The following TDRD1 variants were observed in gnomAD, a reference collection of about 807,000 sequenced individuals.
TDRD1 encodes the protein tudor domain-containing protein 1.
A neutral mutation model predicts 140.6 loss-of-function variants in TDRD1; 37 were observed. That is an observed-to-expected ratio of 0.26 (90% CI 0.20 to 0.35). The LOEUF (loss-of-function observed/expected upper bound fraction) is 0.35. TDRD1 is among the 10% of genes least tolerant of loss of function. The probability of loss-of-function intolerance (pLI) is 1.00; values close to 1 mark genes in which losing one functional copy is unlikely to be tolerated. For synonymous variants in TDRD1, 506 were observed against 475.7 expected (o/e 1.06, Z -0.83); for missense variants, 1,243 against 1,393.0 (o/e 0.89, Z 1.71).
At chr10:114,191,010 A>T in exon 3 of TDRD1, 1 of 1,613,936 alleles carries the variant, frequency 6.2e-7, no homozygotes, top group Non-Finnish European at 8.5e-7. Context: ...CACCCAAAGA[A>T]GTGAATATTG....
chr10:114,215,551 G>A (rs1008445450), intron 16 of TDRD1, among the ~76,000 whole-genome samples: 36 of 152,052 alleles, frequency 2.4e-4, no homozygotes, highest in East Asian at 1.7e-3. Context: ...CATTTGAGCC[G>A]TTCTGATGAG....
In TDRD1 at chr10:114,187,810, A is replaced by G. The variant is rs1345582137; in HGVS notation, c.-6-16A>G. The G allele has an allele frequency of 4.6e-6, 7 of 1,531,148 alleles. No homozygotes were observed. Among genetic ancestry groups the G allele is most frequent in the African/African-American group, 1.4e-5 (1 of 71,776 alleles). The allele number at this position is 1,531,148 out of a possible 1,614,324, so 94.8% of individuals were successfully genotyped here. ...TGAAATTAAAAGTTGTCTCTTAAAT[A>G]CATTTCTCTCCTTAGGCCTCGATGA... On this transcript the variant is annotated splice_polypyrimidine_tract_variant and intron_variant, in intron 1 of 25. Coordinates refer to ENST00000251864, the Ensembl canonical transcript of TDRD1.
intron 11 of TDRD1, among the ~76,000 whole-genome samples, chr10:114,208,686 A>T (rs770247204): frequency 6.6e-6 from 1 of 152,174 alleles, no homozygotes; most frequent in Non-Finnish European, 1.5e-5. Flanking sequence ...CTAGAGGCAA[A>T]GACTGTGGCC....
At chr10:114,203,305 G>C in intron 7 of TDRD1, 83 bp from the exon 8 acceptor site, 2 of 1,517,688 alleles carry the variant, frequency 1.3e-6, no homozygotes, top group Non-Finnish European at 8.9e-7. Context: ...AATGCTGTTT[G>C]TGTCTTAGTT....
intron 10 of TDRD1, 142 bp from the exon 11 acceptor site, chr10:114,206,102 G>T: frequency 1.6e-6 from 1 of 625,454 alleles, no homozygotes; most frequent in Non-Finnish European, 2.8e-6. Flanking sequence ...TTACCCATAG[G>T]AACTGAATTG....
chr10:114,206,142 A>G lies in TDRD1; in HGVS notation c.1298-102A>G. 3.1e-5 allele frequency: 26 copies of G among 836,326 alleles called. No homozygotes were observed. In the South Asian group the frequency reaches 4.4e-4, roughly 14 times the overall value. 51.8% of individuals were successfully genotyped at this position (836,326 alleles called of 1,614,324 possible). ...AACATATACCAACCTATTAATAGCT[A>G]TGAACGTGTGTTGTATGATTGACTT... On this transcript the variant is annotated intron_variant, in intron 10 of 25. Coordinates refer to ENST00000251864, the Ensembl canonical transcript of TDRD1.
At chr10:114,232,057 A>G (rs374613868) in exon 26 of TDRD1, 1 of 151,432 alleles carries the variant, frequency 6.6e-6, no homozygotes, top group African/African-American at 2.4e-5. Flanking sequence ...CTTTGCTTTC[A>G]TGTTTGTTAT....
chr10:114,211,890 C>G, exon 14 of TDRD1: 1 of 1,581,958 alleles, frequency 6.3e-7, no homozygotes, highest in Non-Finnish European at 8.6e-7. Context: ...TACCGTGCCT[C>G]TGTTTTGGCT....
At chr10:114,188,457 G>A (rs945136187) in intron 2 of TDRD1, among the ~76,000 whole-genome samples, 1 of 152,160 alleles carries the variant, frequency 6.6e-6, no homozygotes, top group African/African-American at 2.4e-5. Context: ...AGATTGACCC[G>A]TATCTTAAAA....
chr10:114,225,953 T>G, intron 21 of TDRD1, 96 bp from the exon 22 acceptor site: 1 of 1,072,204 alleles, frequency 9.3e-7, no homozygotes, highest in African/African-American at 1.6e-5. Flanking sequence ...TTGGCATGGA[T>G]TTTTAAGTGA....
intron 7 of TDRD1, 72 bp downstream of exon 7, chr10:114,203,248 A>G: frequency 6.7e-7 from 1 of 1,489,172 alleles, no homozygotes; most frequent in Non-Finnish European, 9.2e-7. Flanking sequence ...CCTATTTTTG[A>G]GTTCATGCGG....
At chr10:114,186,201 T>C (rs1412828244) in intron 1 of TDRD1, among the ~76,000 whole-genome samples, 1 of 152,246 alleles carries the variant, frequency 6.6e-6, no homozygotes, top group East Asian at 1.9e-4. Flanking sequence ...GCACATTCTT[T>C]GTATTTCTTA....
At chr10:114,212,002 A>G in exon 14 of TDRD1, 5 of 1,611,606 alleles carry the variant, frequency 3.1e-6, no homozygotes, top group Admixed American at 1.7e-5. Flanking sequence ...AGTTGTTGGA[A>G]TTGCCAATGC....
At chr10:114,194,170 CTT>C (rs2034180107) in intron 3 of TDRD1, among the ~76,000 whole-genome samples, 1 of 152,032 alleles carries the variant, frequency 6.6e-6, no homozygotes. Context: ...TTTATACTGT[CTT>C]TGTGTGGTTT....
chr10:114,182,189 A>G (rs1458097144), intron 1 of TDRD1, among the ~76,000 whole-genome samples: 1 of 152,192 alleles, frequency 6.6e-6, no homozygotes, highest in Non-Finnish European at 1.5e-5. Flanking sequence ...TAAGAGTCTC[A>G]GATATTTTTG....
chr10:114,221,943 A>G (rs1053297989), intron 20 of TDRD1, among the ~76,000 whole-genome samples: 4 of 152,206 alleles, frequency 2.6e-5, no homozygotes, highest in Non-Finnish European at 4.4e-5. Context: ...GGAAGTTGCA[A>G]TTAAGGAATC....
chr10:114,225,975 C>G (rs769601143), intron 21 of TDRD1, 74 bp from the exon 22 acceptor site: 1 of 1,277,416 alleles, frequency 7.8e-7, no homozygotes, highest in Middle Eastern at 1.9e-4. Flanking sequence ...GTAAATATAA[C>G]TATGAATAGC....
chr10:114,206,252 TTA>T lies in TDRD1; in HGVS notation c.1307_1308del (p.Leu436Ter). 6.2e-7 allele frequency: 1 copy of T among 1,613,128 alleles called. No homozygotes were observed. ...TCTTAATCACTTTTTAGGAAAACTT[TTA>T]GACCATGTGCTTATAGAAATGGGAT... On this transcript the variant is annotated frameshift_variant, in exon 11 of 26. Transcript: ENST00000251864. LOFTEE classifies it high-confidence loss of function.
intron 14 of TDRD1, among the ~76,000 whole-genome samples, chr10:114,212,881 A>G (rs1220487985): frequency 6.6e-6 from 1 of 152,200 alleles, no homozygotes; most frequent in Non-Finnish European, 1.5e-5. Flanking sequence ...ACATCACCGT[A>G]ATCTGATTTA....
Sources: gnomAD v4.1 joint callset for allele counts (sites outside exome capture counted in the v4.1 genomes callset) on GRCh38, gnomAD v4.1.1 for gene constraint, MANE v1.5 for transcripts, NCBI Gene and HGNC (gene_info 2026-07-23, HGNC 2026-07-21) for gene names.